BAHCC1: variants seen among roughly 807,000 people sequenced by gnomAD.
The protein encoded by BAHCC1 is BAH and coiled-coil domain-containing protein 1.
In BAHCC1, 43 loss-of-function variants were observed where a neutral mutation model predicts 88.2. The observed-to-expected ratio is 0.49, with a 90% CI of 0.38 to 0.63. The LOEUF (loss-of-function observed/expected upper bound fraction) is 0.63. Ranked by LOEUF, BAHCC1 falls within the 20% of genes least tolerant of loss-of-function variation. The pLI is 0.00. For synonymous variants in BAHCC1, 1,510 were observed against 745.5 expected (o/e 2.03, Z -16.71); for missense variants, 3,023 against 1,654.8 (o/e 1.83, Z -14.34).
chr17:81,416,370 G>A (rs574701742), intron 2 of BAHCC1, among the ~76,000 whole-genome samples: 77 of 144,152 alleles, frequency 5.3e-4, no homozygotes, highest in African/African-American at 1.8e-3. Flanking sequence ...GGGTCTATGC[G>A]TGTGTCCATG....
At position 81,399,713 on chromosome 17, in the gene BAHCC1, G is replaced by T. The variant is rs1209211334; in HGVS notation, c.-27G>T. The T allele has an allele frequency of 1.9e-6, 2 of 1,025,710 alleles. No homozygotes were observed. The highest frequency in any genetic ancestry group is 1.7e-5 in the African/African-American group (1 of 57,460). The allele number at this position is 1,025,710 out of a possible 1,614,324, so 63.5% of individuals were successfully genotyped here. On this transcript the variant is annotated 5_prime_UTR_variant, in exon 2 of 28. Coordinates refer to ENST00000675386, the MANE Select transcript of BAHCC1 (RefSeq NM_001377448.1). The surrounding 1 kb of genome is among the most constrained non-coding windows in gnomAD (Gnocchi z 4.5). ...CCCGGCCGCGCTGCTCCGAGGAAGC[G>T]GCGGCGGACCGGGGCCGGGGCCCGG...
At chr17:81,436,420 G>T (rs1268106476) in intron 3 of BAHCC1, among the ~76,000 whole-genome samples, 3 of 152,242 alleles carry the variant, frequency 2.0e-5, no homozygotes, top group East Asian at 3.8e-4. Flanking sequence ...CTGGAGGGGG[G>T]ACCGGGGCTC....
intron 2 of BAHCC1, among the ~76,000 whole-genome samples, chr17:81,418,725 G>C (rs1555649072): frequency 6.6e-6 from 1 of 151,970 alleles, no homozygotes; most frequent in Non-Finnish European, 1.5e-5. Flanking sequence ...CGAGAACAGA[G>C]TCTGCCAAGG....
At position 81,434,853 on chromosome 17, in the gene BAHCC1, G is replaced by A. The variant is rs974581183; in HGVS notation, c.359-3517G>A. 1.3e-5 allele frequency among the ~76,000 whole-genome samples: 2 copies of A among 152,090 alleles called. No homozygotes were observed. The highest frequency in any genetic ancestry group is 1.3e-4 in the Admixed American group (2 of 15,278). On this transcript the variant is annotated intron_variant, in intron 3 of 27. Coordinates refer to ENST00000675386, the MANE Select transcript of BAHCC1 (RefSeq NM_001377448.1). The surrounding 1 kb of genome is among the most constrained non-coding windows in gnomAD (Gnocchi z 4.9). Reference sequence around the variant, plus strand: ...TGCGGGGCTGTTGGGAAAATGTGCTGTGTCAGAACGCAGGAGGGATGAGGG... The same window carrying A: ...TGCGGGGCTGTTGGGAAAATGTGCTATGTCAGAACGCAGGAGGGATGAGGG...
chr17:81,410,079 C>A (rs782708996), intron 2 of BAHCC1: 43 of 375,866 alleles, frequency 1.1e-4, no homozygotes, highest in Non-Finnish European at 2.1e-4. Context: ...TTGCCCTGCC[C>A]TGCTGGAGGG....
At chr17:81,440,757 AC>A (rs1377490040) in intron 4 of BAHCC1, among the ~76,000 whole-genome samples, 3 of 151,890 alleles carry the variant, frequency 2.0e-5, no homozygotes, top group South Asian at 2.1e-4. Context: ...CCAGACACTC[AC>A]CCCCCACCAG....
intron 9 of BAHCC1, 44 bp downstream of exon 9, chr17:81,445,222 C>T: frequency 4.1e-6 from 3 of 734,668 alleles, no homozygotes; most frequent in East Asian, 5.2e-5. Context: ...CACTTCTCCC[C>T]AACCCTGCCT....
chr17:81,425,848 TGTG>T (rs2064185517), intron 2 of BAHCC1, among the ~76,000 whole-genome samples: 1 of 135,920 alleles, frequency 7.4e-6, no homozygotes, highest in Non-Finnish European at 1.6e-5. Flanking sequence ...TTGGTGATGA[TGTG>T]GTTGGTGGTG....
chr17:81,430,211 C>G (rs1480035926), intron 3 of BAHCC1, among the ~76,000 whole-genome samples: 1 of 152,126 alleles, frequency 6.6e-6, no homozygotes, highest in Non-Finnish European at 1.5e-5. Context: ...GGTCCCCTCC[C>G]TCCCCACCGC....
chr17:81,409,305 T>G (rs1251351289), intron 2 of BAHCC1, among the ~76,000 whole-genome samples: 4 of 152,124 alleles, frequency 2.6e-5, no homozygotes, highest in Non-Finnish European at 5.9e-5. Flanking sequence ...GGCGCTGTCC[T>G]CTCCTGATTA....
At position 81,417,555 on chromosome 17, in the gene BAHCC1, A is replaced by ACCGCC. The variant is rs1555648925; in HGVS notation, c.179-9243_179-9242insGCCCC. 8.4e-5 allele frequency among the ~76,000 whole-genome samples: 11 copies of ACCGCC among 131,488 alleles called. No individual in the cohort carries two copies. In the East Asian group the frequency reaches 8.8e-4, roughly 11 times the overall value. The allele number at this position is 131,488 out of a possible 152,430, so 86.3% of individuals were successfully genotyped here. ...AGGGACGCCATGGGGAGCGTCGGCCACCCCCCCCCCGCCCTAGCCAAAGGG... is the reference window on the plus strand; with the variant it reads ...AGGGACGCCATGGGGAGCGTCGGCCACCGCCCCCCCCCCCCGCCCTAGCCAAAGGG... On this transcript the variant is annotated intron_variant, in intron 2 of 27. Transcript: ENST00000675386.
chr17:81,461,011 G>A lies in BAHCC1; in HGVS notation c.6348G>A (p.Pro2116=), dbSNP rs556217428. 2.8e-5 allele frequency: 22 copies of A among 773,082 alleles called. No individual in the cohort carries two copies. The highest frequency in any genetic ancestry group is 8.1e-5 in the South Asian group (6 of 74,432). The allele number at this position is 773,082 out of a possible 1,614,324, so 47.9% of individuals were successfully genotyped here. A position where few individuals can be genotyped will look rare whatever the true frequency, so the allele number is the denominator to read the frequency against. Residue 2116 remains proline, a synonymous_variant, in exon 26 of 28, where the codon CCG becomes CCA. Coordinates refer to ENST00000675386, the MANE Select transcript of BAHCC1 (RefSeq NM_001377448.1). The stretch of plus-strand genomic sequence containing the variant: ...CGGTGGCAGCGGCCAGCAAGGGGCC[G>A]GGGGTGCTGCAGAACCTCTTCCAGC... ...RKAVAAASKG[P]GVLQNLFQLN... is the part of the protein sequence containing the mutation.
At position 81,456,424 on chromosome 17, in the gene BAHCC1, A is replaced by C; in HGVS notation, c.4697A>C (p.Gln1566Pro). Residue 1566 changes from glutamine to proline, a missense_variant, in exon 16 of 28, where the codon CAG becomes CCG. By Grantham distance (76) the Gln-to-Pro change is moderately conservative. Coordinates refer to ENST00000675386, the MANE Select transcript of BAHCC1 (RefSeq NM_001377448.1). The part of the protein sequence containing the change: ...GLPTGLSSFQ[Q>P]KEATPGGRIR... Reference sequence around the variant, plus strand: ...CCCACAGGCCTCAGCTCTTTCCAGCAGAAGGAGGCTACCCCCGGGGGGCGC... The same window carrying C: ...CCCACAGGCCTCAGCTCTTTCCAGCCGAAGGAGGCTACCCCCGGGGGGCGC... 1 of 722,658 alleles carries C rather than the reference A, an allele frequency of 1.4e-6. No individual in the cohort carries two copies. Among genetic ancestry groups the C allele is most frequent in the South Asian group, 1.5e-5 (1 of 67,880 alleles). 44.8% of individuals were successfully genotyped at this position (722,658 alleles called of 1,614,324 possible). A position where few individuals can be genotyped will look rare whatever the true frequency, so the allele number is the denominator to read the frequency against.
Position 81,444,499 on chromosome 17 carries a change from A to C in BAHCC1, c.2443A>C (p.Thr815Pro), listed in dbSNP as rs782689865. Reference sequence around the variant, plus strand: ...GCTGGGCGGGGACCCAGCCCCCCACACCCACCCCCATCCCCCCTGGCTGCC... The same window carrying C: ...GCTGGGCGGGGACCCAGCCCCCCACCCCCACCCCCATCCCCCCTGGCTGCC... ...GQLGGDPAPHTHPHPPWLPRT... is the reference protein window; with the variant it reads ...GQLGGDPAPHPHPHPPWLPRT... The change falls in exon 7 of 28, where the codon ACC becomes CCC. Residue 815 changes from threonine (T) to proline (P), a missense_variant. By Grantham distance (38) the Thr-to-Pro change is conservative. Coordinates refer to ENST00000675386, the MANE Select transcript of BAHCC1 (RefSeq NM_001377448.1). The C allele has an allele frequency of 1.3e-5, 9 of 700,322 alleles. No individual in the cohort carries two copies. Among genetic ancestry groups the C allele is most frequent in the African/African-American group, 3.6e-5 (2 of 56,272 alleles). 43.4% of individuals were successfully genotyped at this position (700,322 alleles called of 1,614,324 possible).
In BAHCC1 at chr17:81,452,865, A is replaced by G. The variant is rs2143593990; in HGVS notation, c.4445+14A>G. ...CAAGAAAGTCAAGTGAGTCCTGGGCACTGGCATGGCAGGGCGCGTGTGGCC... is the reference window on the plus strand; with the variant it reads ...CAAGAAAGTCAAGTGAGTCCTGGGCGCTGGCATGGCAGGGCGCGTGTGGCC... On this transcript the variant is annotated intron_variant, in intron 14 of 27. Coordinates refer to ENST00000675386, the MANE Select transcript of BAHCC1 (RefSeq NM_001377448.1). 1 of 732,628 alleles carries G rather than the reference A, an allele frequency of 1.4e-6. No individual in the cohort carries two copies. Among genetic ancestry groups the G allele is most frequent in the African/African-American group, 1.8e-5 (1 of 55,904 alleles). The allele number at this position is 732,628 out of a possible 1,614,324, so 45.4% of individuals were successfully genotyped here.
chr17:81,463,006 C>T (rs782591658), intron 27 of BAHCC1, 30 bp downstream of exon 27: 1 of 770,128 alleles, frequency 1.3e-6, no homozygotes, highest in Admixed American at 1.7e-5. Context: ...GGGGCCCAGC[C>T]CCCCTCGGGG....
chr17:81,442,315 G>C lies in BAHCC1; in HGVS notation c.966G>C (p.Lys322Asn), dbSNP rs1555652762. The change falls in exon 5 of 28, where the codon AAG (lysine) becomes AAC (asparagine). Residue 322 changes from lysine to asparagine, a missense_variant. By Grantham distance (94) the Lys-to-Asn change is moderately conservative (BLOSUM62 0). Transcript: ENST00000675386. The stretch of plus-strand genomic sequence containing the variant: ...TGGTGACCTCCGGGCGCTGTGCAAA[G>C]GAGGCAGCAGGCCCCCCGGAGCCCG... ...TGVVTSGRCAKEAAGPPEPGP... is the reference protein window; with the variant it reads ...TGVVTSGRCANEAAGPPEPGP... 2 of 670,480 alleles carry C rather than the reference G, an allele frequency of 3.0e-6. No individual in the cohort carries two copies. The highest frequency in any genetic ancestry group is 3.3e-5 in the South Asian group (2 of 61,252). 41.5% of individuals were successfully genotyped at this position (670,480 alleles called of 1,614,324 possible).
rs115652721 is a variant in BAHCC1, at chr17:81,446,977, G to A, written c.3164-59G>A. 1,375 of 769,544 alleles carry A rather than the reference G, an allele frequency of 1.8e-3. 18 individuals are homozygous for A. The highest frequency in any genetic ancestry group is 0.015 in the South Asian group (1,087 of 73,556). 47.7% of individuals were successfully genotyped at this position (769,544 alleles called of 1,614,324 possible). A position where few individuals can be genotyped will look rare whatever the true frequency, so the allele number is the denominator to read the frequency against. On this transcript the variant is annotated intron_variant, in intron 10 of 27. Transcript: ENST00000675386. ...CGAGGCCACTGTCCTCCGTCCTATC[G>A]CAGGACACCCCCTCACCACCACTCC...
In BAHCC1 at chr17:81,443,337, T is replaced by C. The variant is rs781934213; in HGVS notation, c.1988T>C (p.Ile663Thr). 18 of 778,966 alleles carry C rather than the reference T, an allele frequency of 2.3e-5. No individual in the cohort carries two copies. Among genetic ancestry groups the C allele is most frequent in the Non-Finnish European group, 4.3e-5 (18 of 417,702 alleles). The allele number at this position is 778,966 out of a possible 1,614,324, so 48.3% of individuals were successfully genotyped here. A position where few individuals can be genotyped will look rare whatever the true frequency, so the allele number is the denominator to read the frequency against. ...CTGGGTGGCCTCAAGGCCAGCTGCA[T>C]CCAGCAGGAAGCAAAGTTCCTGTCC... ...VGLGGLKASC[I>T]QQEAKFLSSK... The change falls in exon 5 of 28, where the codon ATC becomes ACC. Residue 663 changes from isoleucine to threonine, a missense_variant. Ile to Thr is a moderately conservative substitution (Grantham distance 89, BLOSUM62 -1). Transcript: ENST00000675386.
Sources: gnomAD v4.1 joint callset for allele counts (sites outside exome capture counted in the v4.1 genomes callset) on GRCh38, gnomAD v4.1.1 for gene constraint, Gnocchi (gnomAD v3.1) non-coding constraint, MANE v1.5 for transcripts, NCBI Gene and HGNC (gene_info 2026-07-23, HGNC 2026-07-21) for gene names.